SHANK2: variants seen among roughly 807,000 people sequenced by gnomAD.
The protein encoded by SHANK2 is SH3 and multiple ankyrin repeat domains protein 2.
Under a neutral mutation model 133.7 loss-of-function variants are expected in SHANK2, and 43 were observed. The observed-to-expected ratio is 0.32, with a 90% CI of 0.25 to 0.41. The LOEUF (loss-of-function observed/expected upper bound fraction) is 0.41. SHANK2 is among the 10% of genes least tolerant of loss of function. SHANK2 has a pLI of 1.00. For missense variants in SHANK2, 1,994 were observed against 2,235.8 expected, an observed-to-expected ratio of 0.89 and a Z score of 2.18; for synonymous variants, 1,017 against 952.8, an observed-to-expected ratio of 1.07 and a Z score of -1.24.
intron 11 of SHANK2, among the ~76,000 whole-genome samples, chr11:70,880,296 G>T (rs1392704452): frequency 4.6e-5 from 7 of 152,188 alleles, no homozygotes; most frequent in African/African-American, 1.7e-4. Context: ...CGGGCATCCT[G>T]GTCGAAAGAA....
chr11:71,235,357 G>T (rs1954812881), intron 1 of SHANK2, among the ~76,000 whole-genome samples: 1 of 152,192 alleles, frequency 6.6e-6, no homozygotes, highest in Admixed American at 6.5e-5. Flanking sequence ...ACTTTGGGAG[G>T]CCGAGGCAGG....
chr11:70,889,911 G>A (rs1198819855), intron 11 of SHANK2, among the ~76,000 whole-genome samples: 1 of 152,168 alleles, frequency 6.6e-6, no homozygotes, highest in South Asian at 2.1e-4. Flanking sequence ...ACTGGGGCCA[G>A]GACATGGGGG....
chr11:70,891,790 C>T (rs1480734887), intron 11 of SHANK2, among the ~76,000 whole-genome samples: 1 of 152,142 alleles, frequency 6.6e-6, no homozygotes, highest in Non-Finnish European at 1.5e-5. Context: ...CCATGATGGA[C>T]CCTCACCCTG....
chr11:70,835,428 C>T (rs993521436), intron 11 of SHANK2, among the ~76,000 whole-genome samples: 19 of 152,240 alleles, frequency 1.2e-4, no homozygotes, highest in African/African-American at 2.9e-4. Flanking sequence ...GGACACAGGA[C>T]GCTCAGTCAA....
chr11:70,552,218 C>A (rs149157437), intron 17 of SHANK2, among the ~76,000 whole-genome samples: 216 of 152,218 alleles, frequency 1.4e-3, no homozygotes, highest in African/African-American at 5.0e-3. Context: ...CCAGGTACAG[C>A]CAGGCTGCCT....
rs187440635 is a variant in SHANK2, at chr11:70,618,270, G to A, written c.2061+41558C>T. 1.1e-3 allele frequency among the ~76,000 whole-genome samples: 157 copies of A among 148,308 alleles called. 1 individual carries two copies. The highest frequency in any genetic ancestry group is 5.1e-3 in the South Asian group (24 of 4,688). On this transcript the variant is annotated intron_variant, in intron 17 of 25. Transcript: ENST00000601538. ...GATCACACCACTGCACTCCAGCCTG[G>A]GCAACAGAGTTAAGACTCGGTCTCA... is the stretch of plus-strand genomic sequence containing the variant.
intron 14 of SHANK2, among the ~76,000 whole-genome samples, chr11:70,749,464 C>T (rs566056032): frequency 6.7e-6 from 1 of 148,476 alleles, no homozygotes; most frequent in Non-Finnish European, 1.5e-5. Flanking sequence ...GAATATAACA[C>T]AACCCACAAT....
chr11:70,523,237 C>T (rs2059353259), intron 17 of SHANK2, among the ~76,000 whole-genome samples: 1 of 152,224 alleles, frequency 6.6e-6, no homozygotes, highest in Admixed American at 6.5e-5. Flanking sequence ...AGGCTGGCCT[C>T]ACACCTCAAT....
chr11:71,215,390 T>C (rs782521289), intron 2 of SHANK2, among the ~76,000 whole-genome samples: 10 of 152,164 alleles, frequency 6.6e-5, no homozygotes, highest in Admixed American at 3.3e-4. Context: ...GTGTCTCCCA[T>C]GAAGCCTTCA....
intron 17 of SHANK2, among the ~76,000 whole-genome samples, chr11:70,563,140 A>G (rs1554981206): frequency 1.3e-5 from 2 of 152,196 alleles, no homozygotes; most frequent in Non-Finnish European, 2.9e-5. Context: ...AAGTGCTGGG[A>G]TTACAGGTGT....
chr11:71,238,068 A>G (rs1022422937), intron 1 of SHANK2, among the ~76,000 whole-genome samples: 5 of 152,170 alleles, frequency 3.3e-5, no homozygotes, highest in African/African-American at 4.8e-5. Context: ...GGGGCCCCCA[A>G]TGTTGCCGAT....
intron 3 of SHANK2, among the ~76,000 whole-genome samples, chr11:71,123,492 T>C (rs1203279251): frequency 1.3e-5 from 2 of 152,014 alleles, no homozygotes; most frequent in Non-Finnish European, 2.9e-5. Flanking sequence ...GACTTCCAGG[T>C]TGAGGGCCCA....
intron 11 of SHANK2, among the ~76,000 whole-genome samples, chr11:70,881,876 T>C (rs1311796760): frequency 6.6e-6 from 1 of 151,546 alleles, no homozygotes; most frequent in Admixed American, 6.6e-5. Flanking sequence ...ACCCAGCAAA[T>C]TATTTATTTA....
intron 11 of SHANK2, among the ~76,000 whole-genome samples, chr11:70,866,108 C>T (rs1949353622): frequency 6.6e-6 from 1 of 152,142 alleles, no homozygotes; most frequent in Admixed American, 6.5e-5. Flanking sequence ...GTCGGAAAGG[C>T]CTAGGGTGGT....
intron 14 of SHANK2, among the ~76,000 whole-genome samples, chr11:70,738,061 G>T (rs1016859592): frequency 2.0e-5 from 3 of 152,244 alleles, no homozygotes; most frequent in Non-Finnish European, 4.4e-5. Flanking sequence ...GACAAAGCCC[G>T]CAAGACGGTG....
At chr11:71,165,802 G>A (rs1555110712) in intron 2 of SHANK2, among the ~76,000 whole-genome samples, 1 of 152,072 alleles carries the variant, frequency 6.6e-6, no homozygotes, top group Non-Finnish European at 1.5e-5. Context: ...GCAGAGACAC[G>A]TCTCATCCTC....
chr11:70,632,886 G>T (rs536532108), intron 17 of SHANK2, among the ~76,000 whole-genome samples: 1 of 152,298 alleles, frequency 6.6e-6, no homozygotes, highest in Non-Finnish European at 1.5e-5. Flanking sequence ...AGCAAGATGA[G>T]GGCTTGGGAA....
At chr11:70,952,183 T>C (rs1950854246) in intron 10 of SHANK2, among the ~76,000 whole-genome samples, 1 of 152,222 alleles carries the variant, frequency 6.6e-6, no homozygotes, top group Non-Finnish European at 1.5e-5. Flanking sequence ...GCTAGGCCCC[T>C]GCTGTGCCGT....
At chr11:71,219,165 C>T (rs559210074) in intron 2 of SHANK2, among the ~76,000 whole-genome samples, 2 of 152,314 alleles carry the variant, frequency 1.3e-5, no homozygotes, top group South Asian at 2.1e-4. Context: ...CTAGGCAATG[C>T]GCTGAGATCA....
Sources: allele counts gnomAD v4.1 joint callset (sites outside exome capture counted in the v4.1 genomes callset), GRCh38; gene constraint gnomAD v4.1.1; transcripts MANE v1.5; gene names NCBI Gene and HGNC (gene_info 2026-07-23, HGNC 2026-07-21).